Variants in TREH observed in about 807,000 individuals in gnomAD.
The protein encoded by TREH is trehalase, also known as alpha,alpha-trehalose glucohydrolase.
TREH carries 69 observed loss-of-function variants against 80.5 expected under a neutral mutation model. The observed-to-expected ratio is 0.86, with a 90% CI of 0.71 to 1.05. The LOEUF (loss-of-function observed/expected upper bound fraction) is 1.05, where lower values mean the gene tolerates loss of function less well. Ranked by LOEUF, TREH falls within the 50% of genes least tolerant of loss-of-function variation. TREH has a pLI of 0.00. For synonymous variants in TREH, 309 were observed against 293.5 expected (o/e 1.05, Z -0.54); for missense variants, 716 against 718.8 (o/e 1.00, Z 0.04).
chr11:118,670,926 T>G (rs1355204801), intron 1 of TREH, among the ~76,000 whole-genome samples: 1 of 152,352 alleles, frequency 6.6e-6, no homozygotes, highest in East Asian at 1.9e-4. Context: ...ATGCATGGAT[T>G]CATTCATTTA....
At chr11:118,677,783 T>G (rs1949493963) in intron 1 of TREH, among the ~76,000 whole-genome samples, 3 of 152,156 alleles carry the variant, frequency 2.0e-5, no homozygotes, top group Admixed American at 2.0e-4. Flanking sequence ...TGTTAGTGAA[T>G]CACTGGCCTG....
intron 13 of TREH, 76 bp downstream of exon 13, chr11:118,658,829 C>T: frequency 6.2e-7 from 1 of 1,609,062 alleles, no homozygotes; most frequent in Non-Finnish European, 8.5e-7. Context: ...GCTCTGCCTG[C>T]CCAGCAGCCC....
chr11:118,670,268 A>G (rs1949418930), intron 1 of TREH, among the ~76,000 whole-genome samples: 1 of 152,124 alleles, frequency 6.6e-6, no homozygotes, highest in Non-Finnish European at 1.5e-5. Flanking sequence ...CCTCACCATG[A>G]ATACCAAAGA....
chr11:118,658,813 G>A, intron 13 of TREH, 80 bp from the exon 14 acceptor site: 2 of 1,610,520 alleles, frequency 1.2e-6, no homozygotes, highest in African/African-American at 1.3e-5. Context: ...CCCCTGGGGA[G>A]AAGCTGCTCT....
chr11:118,658,267 C>G lies in TREH; in HGVS notation c.*22G>C. On this transcript the variant is annotated 3_prime_UTR_variant, in exon 15 of 15. Coordinates refer to ENST00000264029, the MANE Select transcript of TREH (RefSeq NM_007180.3). ...AGGTTTAATGGGGCAGGAGCTGGGG[C>G]CAGGTGAGGAGAGGAGGGCTGTCAC... is the stretch of plus-strand genomic sequence containing the variant. The G allele has an allele frequency of 1.3e-6, 2 of 1,573,692 alleles. No homozygotes were observed. Among genetic ancestry groups the G allele is most frequent in the Non-Finnish European group, 1.7e-6 (2 of 1,160,136 alleles).
At chr11:118,668,839 C>G (rs1555145947) in intron 1 of TREH, among the ~76,000 whole-genome samples, 1 of 151,990 alleles carries the variant, frequency 6.6e-6, no homozygotes, top group African/African-American at 2.4e-5. Flanking sequence ...ACTCGGGAGG[C>G]TGAGGCAGGA....
In TREH at chr11:118,674,689, C is replaced by T. The variant is rs890331330; in HGVS notation, c.89+4850G>A. ...TCCTGAGTAGATGGGATTACAGGTG[C>T]GCACCACCACACCCGGCTAATTTTG... On this transcript the variant is annotated intron_variant, in intron 1 of 14. Coordinates refer to ENST00000264029, the MANE Select transcript of TREH (RefSeq NM_007180.3). The surrounding 1 kb of genome is among the most constrained non-coding windows in gnomAD (Gnocchi z 4.4). 2.6e-5 allele frequency among the ~76,000 whole-genome samples: 4 copies of T among 152,110 alleles called. No individual in the cohort carries two copies. Among genetic ancestry groups the T allele is most frequent in the African/African-American group, 4.8e-5 (2 of 41,410 alleles).
Position 118,659,374 on chromosome 11 carries a change from G to C in TREH, c.1428C>G (p.Ile476Met). 6.4e-7 allele frequency: 1 copy of C among 1,572,048 alleles called. No homozygotes were observed. The highest frequency in any genetic ancestry group is 8.6e-7 in the Non-Finnish European group (1 of 1,158,134). The change falls in exon 12 of 15, where the codon ATC becomes ATG. Residue 476 changes from isoleucine (I) to methionine (M), a missense_variant. Transcript: ENST00000264029. ...GTGTCAGCCCTGCCTCCCTACCTCTGATGACCAGGTCCTGCAGGGGGGCCC... is the reference window on the plus strand; with the variant it reads ...GTGTCAGCCCTGCCTCCCTACCTCTCATGACCAGGTCCTGCAGGGGGGCCC... ...NAWAPLQDLVIRGLAKAPLRR... is the reference protein window; with the variant it reads ...NAWAPLQDLVMRGLAKAPLRR...
At position 118,661,525 on chromosome 11, in the gene TREH, C is replaced by G; in HGVS notation, c.618-16G>C. 6.2e-7 allele frequency: 1 copy of G among 1,612,888 alleles called. No homozygotes were observed. Among genetic ancestry groups the G allele is most frequent in the Non-Finnish European group, 8.5e-7 (1 of 1,179,282 alleles). On this transcript the variant is annotated splice_polypyrimidine_tract_variant and intron_variant, in intron 6 of 14. Coordinates refer to ENST00000264029, the MANE Select transcript of TREH (RefSeq NM_007180.3). The surrounding 1 kb of genome is among the most constrained non-coding windows in gnomAD (Gnocchi z 4.2). ...ATGCCCATAGCTGCCAAGGGGAAGG[C>G]CTGCTGAGATGCCCTCTCCCCAGCA...
rs1368606389 is a variant in TREH, at chr11:118,679,312, G to T, written c.89+227C>A. On this transcript the variant is annotated intron_variant, in intron 1 of 14. Transcript: ENST00000264029. ...AGATGGTGCCACTGTACTCCATCTG[G>T]ACGACCGAGCAAGACTCTAACAACA... Among the ~76,000 whole-genome samples, 3 of 152,136 alleles carry T rather than the reference G, an allele frequency of 2.0e-5. No individual in the cohort carries two copies. The East Asian group carries it at 5.8e-4, about 29-fold the overall frequency.
intron 1 of TREH, among the ~76,000 whole-genome samples, chr11:118,668,005 C>T (rs567734669): frequency 6.6e-6 from 1 of 152,108 alleles, no homozygotes; most frequent in Non-Finnish European, 1.5e-5. Context: ...GCTGGGATTA[C>T]AGGCGTGTAC....
chr11:118,660,689 A>C lies in TREH; in HGVS notation c.952T>G (p.Ser318Ala), dbSNP rs373972077. Reference sequence around the variant, plus strand: ...CAGCGTGAAGAGAAGTCCCAGCCAGACTCAGCCCCAGCCTTGAGCTCAGCC... The same window carrying C: ...CAGCGTGAAGAGAAGTCCCAGCCAGCCTCAGCCCCAGCCTTGAGCTCAGCC... ...LWAELKAGAE[S>A]GWDFSSRWLI... Residue 318 changes from serine (S) to alanine (A), a missense_variant, in exon 10 of 15, where the codon TCT (serine) becomes GCT (alanine). By Grantham distance (99) the Ser-to-Ala change is moderately conservative (BLOSUM62 1). Coordinates refer to ENST00000264029, the MANE Select transcript of TREH (RefSeq NM_007180.3). 4.2e-5 allele frequency: 67 copies of C among 1,600,776 alleles called. No homozygotes were observed. In the African/African-American group the frequency reaches 8.2e-4, roughly 20 times the overall value.
chr11:118,669,544 G>A (rs541177112), intron 1 of TREH, among the ~76,000 whole-genome samples: 1 of 152,316 alleles, frequency 6.6e-6, no homozygotes, highest in East Asian at 1.9e-4. Flanking sequence ...CCATTTGCAA[G>A]AACATGGATG....
At chr11:118,672,072 T>C (rs1021059206) in intron 1 of TREH, among the ~76,000 whole-genome samples, 2 of 152,126 alleles carry the variant, frequency 1.3e-5, no homozygotes, top group Admixed American at 6.6e-5. Context: ...AGAGTATACT[T>C]CGATCAGAAA....
Position 118,658,041 on chromosome 11 carries a change from C to A in TREH, c.*248G>T. 1 of 543,208 alleles carries A rather than the reference C, an allele frequency of 1.8e-6. No homozygotes were observed. The highest frequency in any genetic ancestry group is 2.9e-5 in the East Asian group (1 of 34,438). The allele number at this position is 543,208 out of a possible 1,614,324, so 33.6% of individuals were successfully genotyped here. A position where few individuals can be genotyped will look rare whatever the true frequency, so the allele number is the denominator to read the frequency against. On this transcript the variant is annotated 3_prime_UTR_variant, in exon 15 of 15. Transcript: ENST00000264029. ...TTGGACTACGGAAGTGAGTGGAAGG[C>A]CGGTGTGGGGCTTGGCGCTGAGGCA...
intron 1 of TREH, among the ~76,000 whole-genome samples, chr11:118,675,707 AT>A (rs1389256816): frequency 1.3e-5 from 2 of 151,762 alleles, no homozygotes; most frequent in African/African-American, 4.8e-5. Context: ...TATTTGTTTT[AT>A]TTGTTTGTTT....
At chr11:118,670,112 TC>T (rs1391500949) in intron 1 of TREH, among the ~76,000 whole-genome samples, 2 of 152,168 alleles carry the variant, frequency 1.3e-5, no homozygotes, top group Non-Finnish European at 2.9e-5. Context: ...GAAATCAATT[TC>T]CAGTTCCACT....
At chr11:118,659,111 C>A in intron 12 of TREH, 94 bp from the exon 13 acceptor site, 1 of 1,335,790 alleles carries the variant, frequency 7.5e-7, no homozygotes. Context: ...GGGAAAGAGG[C>A]CTGGGCCCTA....
At chr11:118,658,857 G>GGCC in intron 13 of TREH, 48 bp downstream of exon 13, 1 of 1,609,454 alleles carries the variant, frequency 6.2e-7, no homozygotes, top group Non-Finnish European at 8.5e-7. Flanking sequence ...GCTCAGGAGT[G>GGCC]GCCACTGGGA....
Sources: allele counts gnomAD v4.1 joint callset (sites outside exome capture counted in the v4.1 genomes callset), GRCh38; gene constraint gnomAD v4.1.1; non-coding constraint Gnocchi (gnomAD v3.1); transcripts MANE v1.5; gene names NCBI Gene and HGNC (gene_info 2026-07-23, HGNC 2026-07-21).